The following RUSC1 variants were observed in gnomAD, a reference collection of about 807,000 sequenced individuals.
RUSC1 encodes the protein RUN and SH3 domain containing 1, also known as AP-4 complex accessory subunit RUSC1.
RUSC1 carries 40 observed loss-of-function variants against 72.1 expected under a neutral mutation model. The ratio of observed to expected loss-of-function variants is 0.55; its 90% confidence interval spans 0.43 to 0.72. The LOEUF (loss-of-function observed/expected upper bound fraction) is 0.72. Among genes scored for constraint, RUSC1 ranks in the 30% least tolerant of loss-of-function variants. RUSC1 has a pLI of 0.00. For synonymous variants in RUSC1, 512 were observed against 494.2 expected (o/e 1.04, Z -0.48); for missense variants, 1,092 against 1,172.3 (o/e 0.93, Z 1.00).
rs971058404 is a variant in RUSC1, at chr1:155,321,695, C to G, written c.-79C>G. The G allele has an allele frequency of 3.2e-6, 5 of 1,566,938 alleles. No individual in the cohort carries two copies. In the Middle Eastern group the frequency reaches 5.1e-4, roughly 159 times the overall value. Reference sequence around the variant, plus strand: ...ACCACCTCTGTCTTCTAGGTCTGCACCTGTGGTTGCCAGGTAGGTGGATGT... The same window carrying G: ...ACCACCTCTGTCTTCTAGGTCTGCAGCTGTGGTTGCCAGGTAGGTGGATGT... On this transcript the variant is annotated 5_prime_UTR_variant, in exon 2 of 10. Coordinates refer to ENST00000368352, the MANE Select transcript of RUSC1 (RefSeq NM_001105203.2).
chr1:155,321,915 G>T lies in RUSC1; in HGVS notation c.142G>T (p.Gly48Cys), dbSNP rs1472501544. The change falls in exon 2 of 10, where the codon GGC becomes TGC. Residue 48 changes from glycine (G) to cysteine (C), a missense_variant. Gly to Cys is a radical substitution (Grantham distance 159). Transcript: ENST00000368352. ...STPPPPGDTG[G>C]KESRGPCSGT... ...ACCCCCTCCTCCAGGAGACACTGGG[G>T]GCAAGGAGAGCAGGGGCCCCTGCAG... 1 of 1,609,662 alleles carries T rather than the reference G, an allele frequency of 6.2e-7. No individual in the cohort carries two copies. The highest frequency in any genetic ancestry group is 8.5e-7 in the Non-Finnish European group (1 of 1,178,154).
chr1:155,325,892 A>C lies in RUSC1; in HGVS notation c.1843A>C (p.Ser615Arg). 1 of 1,614,086 alleles carries C rather than the reference A, an allele frequency of 6.2e-7. No homozygotes were observed. The highest frequency in any genetic ancestry group is 8.5e-7 in the Non-Finnish European group (1 of 1,180,016). The change falls in exon 7 of 10, where the codon AGT becomes CGT. Residue 615 changes from serine (S) to arginine (R), a missense_variant. Coordinates refer to ENST00000368352, the MANE Select transcript of RUSC1 (RefSeq NM_001105203.2). The surrounding 1 kb of genome is among the most constrained non-coding windows in gnomAD (Gnocchi z 6.5). ...NTKQLELWFS[S>R]LQEDAGLLSL... ...CAAGCAGTTGGAGCTGTGGTTTTCC[A>C]GTCTCCAGGAAGATGCAGGTCAGAG...
chr1:155,323,937 G>A, intron 2 of RUSC1: 1 of 993,666 alleles, frequency 1.0e-6, no homozygotes, highest in Non-Finnish European at 1.2e-6. Context: ...TTCAGTTTAA[G>A]CCGACTCCAA....
rs1651452039 is a variant in RUSC1, at chr1:155,326,732, C to T, written c.2014C>T (p.Pro672Ser). ...GCTCTTTGAGCACCACCACCACCTG[C>T]CCCTGGGCCCACCTCAGGCCCCTGC... Reference protein sequence around the residue: ...DLLFEHHHHLPLGPPQAPAPP... With the variant: ...DLLFEHHHHLSLGPPQAPAPP... Residue 672 changes from proline (P) to serine (S), a missense_variant, in exon 8 of 10, where the codon CCC becomes TCC. Physicochemically the swap from Pro to Ser is moderately conservative, Grantham distance 74. Coordinates refer to ENST00000368352, the MANE Select transcript of RUSC1 (RefSeq NM_001105203.2). This position sits in a 1 kb window ranked among gnomAD's most constrained non-coding sequence, Gnocchi z 4.7. 1 of 1,613,298 alleles carries T rather than the reference C, an allele frequency of 6.2e-7. No homozygotes were observed. Among genetic ancestry groups the T allele is most frequent in the Non-Finnish European group, 8.5e-7 (1 of 1,180,038 alleles).
Position 155,325,544 on chromosome 1 carries a change from C to T in RUSC1, c.1709-23C>T. 1 of 1,607,262 alleles carries T rather than the reference C, an allele frequency of 6.2e-7. No individual in the cohort carries two copies. Among genetic ancestry groups the T allele is most frequent in the East Asian group, 2.2e-5 (1 of 44,876 alleles). Reference sequence around the variant, plus strand: ...GTGCGCAGGGCAGGGCCGGGCTTGGCTGACTGCACCCCACGTTCTCAGGCT... The same window carrying T: ...GTGCGCAGGGCAGGGCCGGGCTTGGTTGACTGCACCCCACGTTCTCAGGCT... On this transcript the variant is annotated intron_variant, in intron 5 of 9. Transcript: ENST00000368352. The surrounding 1 kb of genome is among the most constrained non-coding windows in gnomAD (Gnocchi z 6.5).
intron 2 of RUSC1, chr1:155,324,249 C>T (rs1203945548): frequency 2.0e-6 from 3 of 1,472,014 alleles, no homozygotes; most frequent in Non-Finnish European, 2.7e-6. Context: ...AGGTTCTGGC[C>T]ACGCCCTCTC....
chr1:155,324,825 C>T lies in RUSC1; in HGVS notation c.1358-20C>T, dbSNP rs757517958. The stretch of plus-strand genomic sequence containing the variant: ...ATAACACTTGGTAAGTGTTACCGCG[C>T]CCTTCTTCCCTTACGCCAGTCCGTA... On this transcript the variant is annotated intron_variant, in intron 2 of 9. Transcript: ENST00000368352. 5.6e-6 allele frequency: 9 copies of T among 1,614,124 alleles called. No individual in the cohort carries two copies. Among genetic ancestry groups the T allele is most frequent in the Non-Finnish European group, 7.6e-6 (9 of 1,180,044 alleles).
Position 155,322,316 on chromosome 1 carries a change from C to G in RUSC1, c.543C>G (p.Asn181Lys). 6.2e-7 allele frequency: 1 copy of G among 1,610,524 alleles called. No homozygotes were observed. The highest frequency in any genetic ancestry group is 2.2e-5 in the East Asian group (1 of 44,780). The change falls in exon 2 of 10, where the codon AAC becomes AAG. Residue 181 changes from asparagine to lysine, a missense_variant. Physicochemically the swap from Asn to Lys is moderately conservative, Grantham distance 94. Coordinates refer to ENST00000368352, the MANE Select transcript of RUSC1 (RefSeq NM_001105203.2). ...CACCCGATCCTGGCCTGGACTCGAA[C>G]TGCAACGCCCTGACCACCTGCCAGG... is the stretch of plus-strand genomic sequence containing the variant. The part of the protein sequence containing the change: ...SSSPDPGLDS[N>K]CNALTTCQDV...
In RUSC1 at chr1:155,330,635, A is replaced by C; in HGVS notation, c.*64A>C. On this transcript the variant is annotated 3_prime_UTR_variant, in exon 10 of 10. Transcript: ENST00000368352. The stretch of plus-strand genomic sequence containing the variant: ...CACCTGGGAATGGAATGGCCAGTGA[A>C]CACCATCCCAGAAGCATTTTCCCTC... 7.0e-7 allele frequency: 1 copy of C among 1,428,674 alleles called. No homozygotes were observed. Among genetic ancestry groups the C allele is most frequent in the South Asian group, 1.4e-5 (1 of 71,018 alleles). The allele number at this position is 1,428,674 out of a possible 1,614,324, so 88.5% of individuals were successfully genotyped here. A position where few individuals can be genotyped will look rare whatever the true frequency, so the allele number is the denominator to read the frequency against.
At chr1:155,327,319 C>T (rs1461417302) in intron 8 of RUSC1, among the ~76,000 whole-genome samples, 187 bp downstream of exon 8, 2 of 152,108 alleles carry the variant, frequency 1.3e-5, no homozygotes, top group African/African-American at 4.8e-5. Context: ...TCTCAATTTT[C>T]TCTCTTGGCC....
chr1:155,325,840 TC>T lies in RUSC1; in HGVS notation c.1815-22del, dbSNP rs1183786654. 6.2e-7 allele frequency: 1 copy of T among 1,613,872 alleles called. No individual in the cohort carries two copies. ...CTGGAGTCCTCCACCTCCCTGAACT[TC>T]CATTCCCTCTTTTCTCCCCTAGCAC... On this transcript the variant is annotated intron_variant, in intron 6 of 9. Transcript: ENST00000368352. This position sits in a 1 kb window ranked among gnomAD's most constrained non-coding sequence, Gnocchi z 6.5.
rs1334990198 is a variant in RUSC1 at position 155,323,075 on chromosome 1, G to A, written c.1302G>A (p.Ala434=). ...AGGAGGGCCGGGCTGTCAGCCCAGC[G>A]GCTGGCGAGGAGGCCCCAGCCGCGA... ...QSEEGRAVSP[A]AGEEAPAAKE... Residue 434 remains alanine, a synonymous_variant, in exon 2 of 10, where the codon GCG becomes GCA. Coordinates refer to ENST00000368352, the MANE Select transcript of RUSC1 (RefSeq NM_001105203.2). 7.0e-7 allele frequency: 1 copy of A among 1,430,518 alleles called. No homozygotes were observed. The highest frequency in any genetic ancestry group is 9.1e-7 in the Non-Finnish European group (1 of 1,094,994). 88.6% of individuals were successfully genotyped at this position (1,430,518 alleles called of 1,614,324 possible). A position where few individuals can be genotyped will look rare whatever the true frequency, so the allele number is the denominator to read the frequency against.
Position 155,327,141 on chromosome 1 carries a change from G to A in RUSC1, c.2414+9G>A, listed in dbSNP as rs1570910154. On this transcript the variant is annotated intron_variant, in intron 8 of 9. Coordinates refer to ENST00000368352, the MANE Select transcript of RUSC1 (RefSeq NM_001105203.2). ...GGAGCCCTAAAGTCCAGGTAATGGG[G>A]TACCTTGTCCTTTCTATGACCTTCT... The A allele has an allele frequency of 1.9e-6, 3 of 1,590,754 alleles. No homozygotes were observed. In the South Asian group the frequency reaches 3.4e-5, roughly 18 times the overall value.
Position 155,320,987 on chromosome 1 carries a change from C to A in RUSC1, c.-91C>A. ...CAAGGCCGGAGCGGTTCCAGGAGGACCCTGGTGAGGAGGGCTCGGCCCATG... is the reference window on the plus strand; with the variant it reads ...CAAGGCCGGAGCGGTTCCAGGAGGAACCTGGTGAGGAGGGCTCGGCCCATG... On this transcript the variant is annotated 5_prime_UTR_variant, in exon 1 of 10. Coordinates refer to ENST00000368352, the MANE Select transcript of RUSC1 (RefSeq NM_001105203.2). 5 of 1,526,874 alleles carry A rather than the reference C, an allele frequency of 3.3e-6. No homozygotes were observed. The highest frequency in any genetic ancestry group is 4.4e-6 in the Non-Finnish European group (5 of 1,126,958). 94.6% of individuals were successfully genotyped at this position (1,526,874 alleles called of 1,614,324 possible).
chr1:155,321,591 A>G (rs1650518238), intron 1 of RUSC1, 97 bp from the exon 2 acceptor site: 1 of 1,259,062 alleles, frequency 7.9e-7, no homozygotes, highest in Non-Finnish European at 1.1e-6. Flanking sequence ...CAAAGCAGCC[A>G]GAGCCTTCAG....
At position 155,322,029 on chromosome 1, in the gene RUSC1, G is replaced by T; in HGVS notation, c.256G>T (p.Asp86Tyr). 1 of 1,611,622 alleles carries T rather than the reference G, an allele frequency of 6.2e-7. No individual in the cohort carries two copies. The highest frequency in any genetic ancestry group is 8.5e-7 in the Non-Finnish European group (1 of 1,178,570). The change falls in exon 2 of 10, where the codon GAC (aspartate) becomes TAC (tyrosine). Residue 86 changes from aspartate to tyrosine, a missense_variant. Asp to Tyr is a radical substitution (Grantham distance 160). Coordinates refer to ENST00000368352, the MANE Select transcript of RUSC1 (RefSeq NM_001105203.2). ...EHGPGLENRQ[D>Y]PSQEEEGAAS... ...CGGTCCGGGCCTAGAAAACCGGCAG[G>T]ACCCGTCACAGGAGGAAGAGGGGGC...
Position 155,321,799 on chromosome 1 carries a change from T to C in RUSC1, c.26T>C (p.Leu9Pro). ...ATGCTGTCCCCTCAGAGAGCTTTAC[T>C]CTGCAACCTCAACCACATCCACCTC... MLSPQRAL[L>P]CNLNHIHLQH... Residue 9 changes from leucine (L) to proline (P), a missense_variant, in exon 2 of 10, where the codon CTC (leucine) becomes CCC (proline). Coordinates refer to ENST00000368352, the MANE Select transcript of RUSC1 (RefSeq NM_001105203.2). 2.5e-6 allele frequency: 4 copies of C among 1,613,962 alleles called. No homozygotes were observed. Among genetic ancestry groups the C allele is most frequent in the South Asian group, 1.1e-5 (1 of 91,084 alleles).
Position 155,326,502 on chromosome 1 carries a change from C to A in RUSC1, c.1862-78C>A. 7.1e-7 allele frequency: 1 copy of A among 1,417,308 alleles called. No homozygotes were observed. The highest frequency in any genetic ancestry group is 9.6e-7 in the Non-Finnish European group (1 of 1,036,828). The allele number at this position is 1,417,308 out of a possible 1,614,324, so 87.8% of individuals were successfully genotyped here. A position where few individuals can be genotyped will look rare whatever the true frequency, so the allele number is the denominator to read the frequency against. On this transcript the variant is annotated intron_variant, in intron 7 of 9. Transcript: ENST00000368352. The surrounding 1 kb of genome is among the most constrained non-coding windows in gnomAD (Gnocchi z 4.7). ...AGAGTGAGGCCTGGGAAGATGTGTG[C>A]TGACTGGTGGGCTGCTCTGGGGGGT...
chr1:155,324,741 G>A (rs1651098652), intron 2 of RUSC1, 104 bp from the exon 3 acceptor site: 1 of 1,593,024 alleles, frequency 6.3e-7, no homozygotes, highest in Non-Finnish European at 8.6e-7. Flanking sequence ...AGACCCTTCG[G>A]GGACACAGCA....
Sources: allele counts gnomAD v4.1 joint callset (sites outside exome capture counted in the v4.1 genomes callset), GRCh38; gene constraint gnomAD v4.1.1; non-coding constraint Gnocchi (gnomAD v3.1); transcripts MANE v1.5; gene names NCBI Gene and HGNC (gene_info 2026-07-23, HGNC 2026-07-21).